Variants in DDX55 observed in about 807,000 individuals in gnomAD.
DDX55 encodes DEAD-box helicase 55.
In DDX55, 56 loss-of-function variants were observed where a neutral mutation model predicts 69.2. That is an observed-to-expected ratio of 0.81 (90% CI 0.65 to 1.01). The LOEUF (loss-of-function observed/expected upper bound fraction) is 1.01, where lower values mean the gene tolerates loss of function less well. Among genes scored for constraint, DDX55 ranks in the 50% least tolerant of loss-of-function variants. The pLI is 0.00. For missense variants in DDX55, 720 were observed against 745.1 expected, an observed-to-expected ratio of 0.97 and a Z score of 0.39; for synonymous variants, 268 against 273.1, an observed-to-expected ratio of 0.98 and a Z score of 0.18.
In DDX55 at chr12:123,610,001, A is replaced by C. The variant is rs771397093; in HGVS notation, c.614A>C (p.Gln205Pro). 5.6e-6 allele frequency: 9 copies of C among 1,614,184 alleles called. No homozygotes were observed. In the South Asian group the frequency reaches 9.9e-5, roughly 18 times the overall value. ...AGAACAGGCCTTTTCTCTGCCACTCAGACGCAGGAAGTGGAGAACCTGGTG... is the reference window on the plus strand; with the variant it reads ...AGAACAGGCCTTTTCTCTGCCACTCCGACGCAGGAAGTGGAGAACCTGGTG... Reference protein sequence around the residue: ...QRRTGLFSATQTQEVENLVRA... With the variant: ...QRRTGLFSATPTQEVENLVRA... The change falls in exon 7 of 14, where the codon CAG becomes CCG. Residue 205 changes from glutamine (Q) to proline (P), a missense_variant. Gln to Pro is a moderately conservative substitution (Grantham distance 76, BLOSUM62 -1). Transcript: ENST00000238146.
chr12:123,618,004 G>A (rs1593749353), intron 11 of DDX55, 132 bp downstream of exon 11: 2 of 763,154 alleles, frequency 2.6e-6, no homozygotes, highest in South Asian at 3.4e-5. Context: ...GCAGTGGGGG[G>A]CCCTGGTGGG....
chr12:123,616,607 T>C lies in DDX55; in HGVS notation c.1049+4T>C. On this transcript the variant is annotated splice_donor_region_variant and intron_variant, in intron 10 of 13. Transcript: ENST00000238146. ...ATGACCCTCCCAGCAATGCAAGGTA[T>C]GGTACGAGGCTGCCACCCACTCTCT... 1.2e-6 allele frequency: 2 copies of C among 1,613,864 alleles called. No homozygotes were observed. Among genetic ancestry groups the C allele is most frequent in the Non-Finnish European group, 1.7e-6 (2 of 1,179,774 alleles).
intron 1 of DDX55, among the ~76,000 whole-genome samples, chr12:123,602,723 T>C (rs1953645405): frequency 6.6e-6 from 1 of 152,238 alleles, no homozygotes; most frequent in South Asian, 2.1e-4. Flanking sequence ...TCAGGAACTC[T>C]TCTAGGCTCT....
At chr12:123,618,571 G>C in intron 11 of DDX55, 98 bp from the exon 12 acceptor site, 1 of 1,553,478 alleles carries the variant, frequency 6.4e-7, no homozygotes, top group Non-Finnish European at 8.7e-7. Flanking sequence ...AGTTGAAAAG[G>C]AATTGTTTCG....
At chr12:123,618,412 C>G in intron 11 of DDX55, 2 of 1,034,634 alleles carry the variant, frequency 1.9e-6, no homozygotes, top group Non-Finnish European at 2.9e-6. Context: ...AGGGTTACTT[C>G]TTGTGAATAG....
At chr12:123,614,175 C>T (rs1200734068) in intron 8 of DDX55, among the ~76,000 whole-genome samples, 1 of 152,178 alleles carries the variant, frequency 6.6e-6, no homozygotes, top group African/African-American at 2.4e-5. Flanking sequence ...TTCTGTTCTA[C>T]TCCAGCTGTT....
At chr12:123,618,151 G>C (rs1333864818) in intron 11 of DDX55, 1 of 407,484 alleles carries the variant, frequency 2.5e-6, no homozygotes, top group Non-Finnish European at 4.6e-6. Context: ...CAAGTAGCTG[G>C]GATTACAGGC....
Position 123,620,177 on chromosome 12 carries a change from G to A in DDX55, c.*37G>A. On this transcript the variant is annotated 3_prime_UTR_variant, in exon 14 of 14. Coordinates refer to ENST00000238146, the MANE Select transcript of DDX55 (RefSeq NM_020936.3). ...CAGATGAACCCACAAGGACATAGCT[G>A]TTCCCTAACTTGGTGGATGGCTCCA... 6.4e-7 allele frequency: 1 copy of A among 1,564,708 alleles called. No individual in the cohort carries two copies. Among genetic ancestry groups the A allele is most frequent in the Non-Finnish European group, 8.7e-7 (1 of 1,152,504 alleles).
In DDX55 at chr12:123,611,345, G is replaced by GGATGT. The variant is rs370794084; in HGVS notation, c.741+1218_741+1219insATGTG. The stretch of plus-strand genomic sequence containing the variant: ...TCTGTTCTGTCCCATTGCTGGGATG[G>GGATGT]GCCAGGAGGCACAAATGTAGAGAGC... On this transcript the variant is annotated intron_variant, in intron 7 of 13. Transcript: ENST00000238146. Among the ~76,000 whole-genome samples, 827 of 152,338 alleles carry GGATGT rather than the reference G, an allele frequency of 5.4e-3. 7 individuals are homozygous for GGATGT. The highest frequency in any genetic ancestry group is 0.019 in the African/African-American group (781 of 41,574).
intron 11 of DDX55, 96 bp downstream of exon 11, chr12:123,617,968 A>G (rs1336773679): frequency 1.6e-6 from 2 of 1,237,336 alleles, no homozygotes; most frequent in East Asian, 2.5e-5. Flanking sequence ...ACGAATTGCA[A>G]ACTCACTGGG....
At chr12:123,613,794 A>G (rs2135723516) in intron 8 of DDX55, among the ~76,000 whole-genome samples, 1 of 152,252 alleles carries the variant, frequency 6.6e-6, no homozygotes, top group South Asian at 2.1e-4. Flanking sequence ...CTGCCTCTGT[A>G]GTAGTGGCCA....
rs1955013857 is a variant in DDX55, at chr12:123,619,850, C to T, written c.1627-114C>T. 3 of 1,520,014 alleles carry T rather than the reference C, an allele frequency of 2.0e-6. No homozygotes were observed. In the East Asian group the frequency reaches 6.8e-5, roughly 34 times the overall value. The allele number at this position is 1,520,014 out of a possible 1,614,324, so 94.2% of individuals were successfully genotyped here. A position where few individuals can be genotyped will look rare whatever the true frequency, so the allele number is the denominator to read the frequency against. On this transcript the variant is annotated intron_variant, in intron 13 of 13. Coordinates refer to ENST00000238146, the MANE Select transcript of DDX55 (RefSeq NM_020936.3). ...GTTGGCGACCAGGGTGGGGAATTTG[C>T]TCTATTTGCAGAAGCCAATCTGAGA...
intron 10 of DDX55, among the ~76,000 whole-genome samples, 170 bp from the exon 11 acceptor site, chr12:123,617,588 G>T (rs936551299): frequency 1.3e-5 from 2 of 152,196 alleles, no homozygotes; most frequent in South Asian, 4.1e-4. Context: ...TGCAGTGTTG[G>T]TTTAATTGCC....
intron 8 of DDX55, 98 bp downstream of exon 8, chr12:123,613,350 T>TCTCCGGAATGCTTTTGGCTGCAAATAA: frequency 8.4e-7 from 1 of 1,189,378 alleles, no homozygotes. Flanking sequence ...AGCATGGTTC[T>TCTCCGGAATGCTTTTGGCTGCAAATAA]CTCCGGAATG....
Position 123,608,609 on chromosome 12 carries a change from G to A in DDX55, c.402-71G>A, listed in dbSNP as rs78389582. ...TGACTTTGGGGGGATATAAAACTTGGTATTTTGGTAATCATCAACCACATT... is the reference window on the plus strand; with the variant it reads ...TGACTTTGGGGGGATATAAAACTTGATATTTTGGTAATCATCAACCACATT... On this transcript the variant is annotated intron_variant, in intron 5 of 13. Transcript: ENST00000238146. The A allele has an allele frequency of 2.3e-3, 3,585 of 1,567,750 alleles. 30 individuals carry two copies. In the African/African-American group the frequency reaches 0.027, roughly 12 times the overall value.
intron 8 of DDX55, among the ~76,000 whole-genome samples, chr12:123,614,849 C>T (rs1315993511): frequency 6.6e-6 from 1 of 152,050 alleles, no homozygotes; most frequent in Non-Finnish European, 1.5e-5. Flanking sequence ...GCTAAGATGT[C>T]ATTGCTTTTG....
At chr12:123,618,343 C>T (rs768214441) in intron 11 of DDX55, 1 of 616,008 alleles carries the variant, frequency 1.6e-6, no homozygotes, top group South Asian at 1.4e-5. Flanking sequence ...GTGGAGGCAC[C>T]TCGGTCATGG....
At chr12:123,607,797 GC>G (rs2135700046) in intron 5 of DDX55, 135 bp downstream of exon 5, 1 of 1,230,244 alleles carries the variant, frequency 8.1e-7, no homozygotes, top group South Asian at 1.3e-5. Context: ...TTTTCTCCAG[GC>G]CAGCTTCCCA....
chr12:123,603,409 T>G (rs188754711), intron 1 of DDX55, among the ~76,000 whole-genome samples: 2,165 of 150,532 alleles, frequency 0.014, 46 homozygotes, highest in African/African-American at 0.05. Context: ...TTTTTTTTTT[T>G]GAGATGGAGT....
Sources: allele counts gnomAD v4.1 joint callset (sites outside exome capture counted in the v4.1 genomes callset), GRCh38; gene constraint gnomAD v4.1.1; transcripts MANE v1.5; gene names NCBI Gene and HGNC (gene_info 2026-07-23, HGNC 2026-07-21).